The following TSHZ3 variants were observed in gnomAD, a reference collection of about 807,000 sequenced individuals.
TSHZ3 encodes teashirt zinc finger homeobox 3, also known as teashirt homolog 3.
In TSHZ3, 10 loss-of-function variants were observed where a neutral mutation model predicts 64.5. The observed-to-expected ratio is 0.16, with a 90% CI of 0.10 to 0.26. The LOEUF (loss-of-function observed/expected upper bound fraction) is 0.26, where lower values mean the gene tolerates loss of function less well. TSHZ3 is among the 10% of genes least tolerant of loss of function. TSHZ3 has a pLI of 1.00. For missense variants in TSHZ3, 1,242 were observed against 1,421.7 expected (o/e 0.87, Z 2.03); for synonymous variants, 608 against 593.1 (o/e 1.03, Z -0.36).
intron 1 of TSHZ3, among the ~76,000 whole-genome samples, chr19:31,301,815 C>G (rs556365174): frequency 5.9e-5 from 9 of 152,248 alleles, no homozygotes; most frequent in Non-Finnish European, 8.8e-5. Context: ...CTCTGCTGTA[C>G]GTTTTACCTA....
intron 4 of TSHZ3, among the ~76,000 whole-genome samples, chr19:31,214,578 A>G (rs1975301459): frequency 6.6e-6 from 1 of 152,214 alleles, no homozygotes; most frequent in African/African-American, 2.4e-5. Flanking sequence ...TTCACATCCC[A>G]GGATTAAGTG....
intron 1 of TSHZ3, among the ~76,000 whole-genome samples, chr19:31,267,766 C>T (rs1976074568): frequency 6.6e-6 from 1 of 152,154 alleles, no homozygotes. Context: ...GATATCAGAG[C>T]ACCTTCTCCT....
chr19:31,311,315 C>T (rs925038937), intron 1 of TSHZ3, among the ~76,000 whole-genome samples: 2 of 152,146 alleles, frequency 1.3e-5, no homozygotes, highest in Admixed American at 6.5e-5. Flanking sequence ...GCCCACTCAC[C>T]CCCAACAAAT....
intron 6 of TSHZ3, among the ~76,000 whole-genome samples, chr19:31,153,585 G>C (rs1974267276): frequency 6.6e-6 from 1 of 152,160 alleles, no homozygotes; most frequent in Non-Finnish European, 1.5e-5. Context: ...GCTATCACTT[G>C]ACTTCTTGTT....
chr19:31,263,956 G>T (rs1226680541), intron 1 of TSHZ3, among the ~76,000 whole-genome samples: 1 of 152,212 alleles, frequency 6.6e-6, no homozygotes, highest in Non-Finnish European at 1.5e-5. Flanking sequence ...TCCAGCCTTG[G>T]CTCTGCCACT....
intron 3 of TSHZ3, among the ~76,000 whole-genome samples, chr19:31,232,992 G>C (rs1210005048): frequency 2.0e-5 from 3 of 152,108 alleles, no homozygotes; most frequent in African/African-American, 7.2e-5. Flanking sequence ...GTTCTTTCCA[G>C]ACTTAAAACT....
At chr19:31,152,096 A>G (rs931666133) in intron 6 of TSHZ3, among the ~76,000 whole-genome samples, 15 of 152,208 alleles carry the variant, frequency 9.9e-5, no homozygotes, top group Non-Finnish European at 2.1e-4. Flanking sequence ...ATTTCTCACT[A>G]GACAGTTCTA....
exon 7 of TSHZ3, among the ~76,000 whole-genome samples, chr19:31,150,414 G>A (rs919067621): frequency 2.6e-5 from 4 of 152,304 alleles, no homozygotes; most frequent in South Asian, 2.1e-4. Context: ...AAAACCAAAG[G>A]ACAACCAGTG....
At position 31,193,836 on chromosome 19, in the gene TSHZ3, AT is replaced by A. The variant is rs538578204; in HGVS notation, n.809+11119del. Reference sequence around the variant, plus strand: ...TTTTGGCTGGAAAATTGGCAATGCAATTTTAAGGTTAGCTTAAATTCACTGG... The same window carrying A: ...TTTTGGCTGGAAAATTGGCAATGCAATTTAAGGTTAGCTTAAATTCACTGG... On this transcript the variant is annotated intron_variant and non_coding_transcript_variant, in intron 5 of 6. Transcript: ENST00000651361. Among the ~76,000 whole-genome samples, 62 of 152,320 alleles carry A rather than the reference AT, an allele frequency of 4.1e-4. 1 individual carries two copies. The highest frequency in any genetic ancestry group is 7.2e-4 in the Admixed American group (11 of 15,298).
At chr19:31,160,444 G>A (rs957425022) in intron 5 of TSHZ3, among the ~76,000 whole-genome samples, 1 of 152,148 alleles carries the variant, frequency 6.6e-6, no homozygotes, top group Admixed American at 6.5e-5. Context: ...CTAACTCCCA[G>A]CCATAAAGCG....
At chr19:31,210,513 G>T (rs1405667099) in intron 4 of TSHZ3, among the ~76,000 whole-genome samples, 1 of 152,102 alleles carries the variant, frequency 6.6e-6, no homozygotes, top group Non-Finnish European at 1.5e-5. Flanking sequence ...CGGGCCTCAG[G>T]CTGCTTCCAG....
At chr19:31,229,609 G>A (rs963775102) in intron 3 of TSHZ3, among the ~76,000 whole-genome samples, 1 of 152,166 alleles carries the variant, frequency 6.6e-6, no homozygotes, top group Non-Finnish European at 1.5e-5. Context: ...TTACCATAAA[G>A]TAGAATCTTG....
chr19:31,273,329 C>T (rs867819104), downstream of TSHZ3, among the ~76,000 whole-genome samples: 3 of 152,172 alleles, frequency 2.0e-5, no homozygotes, highest in Admixed American at 1.3e-4. Flanking sequence ...CCTGGCTAAA[C>T]GCCCAAGGTG....
chr19:31,303,324 C>T (rs548583321), intron 1 of TSHZ3, among the ~76,000 whole-genome samples: 140 of 152,304 alleles, frequency 9.2e-4, no homozygotes, highest in Middle Eastern at 6.8e-3. Flanking sequence ...GGAATACGCC[C>T]GGGTCTGCAC....
chr19:31,205,773 C>T (rs1455265360), intron 4 of TSHZ3, among the ~76,000 whole-genome samples: 1 of 152,220 alleles, frequency 6.6e-6, no homozygotes, highest in African/African-American at 2.4e-5. Context: ...GAATCCAATC[C>T]TACTCTTTGG....
chr19:31,188,405 G>T (rs1974846512), intron 5 of TSHZ3, among the ~76,000 whole-genome samples: 1 of 151,848 alleles, frequency 6.6e-6, no homozygotes, highest in African/African-American at 2.4e-5. Flanking sequence ...CTCCAGTACA[G>T]TTTAGCATGG....
chr19:31,195,097 G>A (rs1974965294), intron 5 of TSHZ3, among the ~76,000 whole-genome samples: 1 of 151,886 alleles, frequency 6.6e-6, no homozygotes, highest in Non-Finnish European at 1.5e-5. Context: ...GAGAACTATA[G>A]GACAAATATA....
intron 4 of TSHZ3, among the ~76,000 whole-genome samples, chr19:31,220,769 C>A (rs1044995325): frequency 6.6e-6 from 1 of 152,072 alleles, no homozygotes; most frequent in Non-Finnish European, 1.5e-5. Context: ...GTCACATGAC[C>A]ACACCTCACT....
chr19:31,341,637 A>T (rs1404395168), intron 1 of TSHZ3, among the ~76,000 whole-genome samples: 2 of 86,212 alleles, frequency 2.3e-5, no homozygotes, highest in East Asian at 2.3e-4. Context: ...TCTGACACAC[A>T]CACACACACA....
Sources: allele counts gnomAD v4.1 joint callset (sites outside exome capture counted in the v4.1 genomes callset), GRCh38; gene constraint gnomAD v4.1.1; transcripts MANE v1.5; gene names NCBI Gene and HGNC (gene_info 2026-07-23, HGNC 2026-07-21).